Variants in TUT4 observed in about 807,000 individuals in gnomAD.
The protein encoded by TUT4 is terminal uridylyl transferase 4, also known as terminal uridylyltransferase 4.
A neutral mutation model predicts 192.2 loss-of-function variants in TUT4; 36 were observed. That is an observed-to-expected ratio of 0.19 (90% CI 0.14 to 0.25). The LOEUF (loss-of-function observed/expected upper bound fraction) is 0.25, where lower values mean the gene tolerates loss of function less well. Ranked by LOEUF, TUT4 falls within the 10% of genes least tolerant of loss-of-function variation. The pLI is 1.00. For synonymous variants in TUT4, 618 were observed against 666.0 expected, an observed-to-expected ratio of 0.93 and a Z score of 1.11; for missense variants, 1,493 against 1,957.2, an observed-to-expected ratio of 0.76 and a Z score of 4.47.
At chr1:52,550,726 C>A (rs192035089) in intron 1 of TUT4, among the ~76,000 whole-genome samples, 1 of 152,218 alleles carries the variant, frequency 6.6e-6, no homozygotes, top group Non-Finnish European at 1.5e-5. Context: ...AACTCCTACG[C>A]TCAAGCAATC....
chr1:52,548,558 T>A (rs1472424322), intron 1 of TUT4, among the ~76,000 whole-genome samples: 1 of 152,172 alleles, frequency 6.6e-6, no homozygotes, highest in East Asian at 1.9e-4. Flanking sequence ...TTGTCCAAGG[T>A]ACTCAATCCT....
At chr1:52,450,111 G>T (rs1658916448) in intron 20 of TUT4, among the ~76,000 whole-genome samples, 1 of 152,170 alleles carries the variant, frequency 6.6e-6, no homozygotes, top group Admixed American at 6.5e-5. Flanking sequence ...TTGACGTAAA[G>T]AACTTAGTAC....
At chr1:52,510,890 C>T (rs375724362) in intron 3 of TUT4, among the ~76,000 whole-genome samples, 1 of 152,148 alleles carries the variant, frequency 6.6e-6, no homozygotes, top group African/African-American at 2.4e-5. Flanking sequence ...ACATTCTACG[C>T]AGATTACACA....
intron 4 of TUT4, among the ~76,000 whole-genome samples, chr1:52,502,726 C>T (rs1370946362): frequency 6.8e-6 from 1 of 147,778 alleles, no homozygotes; most frequent in Non-Finnish European, 1.5e-5. Flanking sequence ...CAGATACAAG[C>T]GCTCCTCCAC....
chr1:52,440,350 T>C (rs1390859740), intron 24 of TUT4, among the ~76,000 whole-genome samples: 1 of 151,968 alleles, frequency 6.6e-6, no homozygotes, highest in African/African-American at 2.4e-5. Flanking sequence ...AGGCTGGTCT[T>C]GAACTCCTGG....
At chr1:52,445,708 A>G in intron 24 of TUT4, 79 bp downstream of exon 24, 3 of 1,073,614 alleles carry the variant, frequency 2.8e-6, no homozygotes, top group East Asian at 2.4e-5. Context: ...TATATCTAAC[A>G]TCAGTTTGGA....
At chr1:52,541,907 A>C (rs1686799268) in intron 1 of TUT4, among the ~76,000 whole-genome samples, 2 of 152,228 alleles carry the variant, frequency 1.3e-5, no homozygotes, top group Non-Finnish European at 2.9e-5. Context: ...ACGTTCAAAG[A>C]AGCATTATTC....
chr1:52,526,068 T>C lies in TUT4; in HGVS notation c.213A>G (p.Lys71=). Residue 71 remains lysine, a synonymous_variant, in exon 2 of 30, where the codon AAA becomes AAG. Coordinates refer to ENST00000257177, the MANE Select transcript of TUT4 (RefSeq NM_001009881.3). The stretch of plus-strand genomic sequence containing the variant: ...GGTTGGCAGCATTTACTTTACATGA[T>C]TTAACTTCTGTTTTTTCTATACAAA... ...NDICIEKTEV[K]SCKVNAANLP... The C allele has an allele frequency of 6.2e-7, 1 of 1,611,042 alleles. No homozygotes were observed. Among genetic ancestry groups the C allele is most frequent in the South Asian group, 1.1e-5 (1 of 89,850 alleles).
At chr1:52,477,651 G>A in intron 12 of TUT4, 57 bp downstream of exon 12, 1 of 1,479,342 alleles carries the variant, frequency 6.8e-7, no homozygotes, top group South Asian at 1.3e-5. Context: ...CACTGAATTA[G>A]ATAATGAGTA....
chr1:52,484,260 T>G (rs970020024), intron 9 of TUT4, among the ~76,000 whole-genome samples: 1 of 152,110 alleles, frequency 6.6e-6, no homozygotes, highest in East Asian at 1.9e-4. Context: ...AATAGCAATA[T>G]AATAAAAAAT....
At chr1:52,428,392 C>T (rs936436788) in intron 28 of TUT4, among the ~76,000 whole-genome samples, 6 of 151,858 alleles carry the variant, frequency 4.0e-5, no homozygotes, top group Admixed American at 3.9e-4. Context: ...TTTGGGAGGC[C>T]GAGGCAGGCG....
At chr1:52,451,277 A>G (rs1468628197) in intron 20 of TUT4, among the ~76,000 whole-genome samples, 2 of 151,964 alleles carry the variant, frequency 1.3e-5, no homozygotes, top group Non-Finnish European at 2.9e-5. Flanking sequence ...AAAAAAAAAA[A>G]AATAAGAATA....
intron 1 of TUT4, among the ~76,000 whole-genome samples, chr1:52,549,796 T>C (rs1350327604): frequency 3.3e-5 from 5 of 150,912 alleles, no homozygotes; most frequent in South Asian, 2.1e-4. Flanking sequence ...ACTGAACGAG[T>C]GAAAAAAAAA....
chr1:52,457,482 C>T (rs1661316899), intron 20 of TUT4, among the ~76,000 whole-genome samples: 1 of 152,200 alleles, frequency 6.6e-6, no homozygotes, highest in Non-Finnish European at 1.5e-5. Flanking sequence ...GATCTGCCCG[C>T]CTCGGCCTCC....
chr1:52,444,951 G>C (rs1160202667), intron 24 of TUT4, among the ~76,000 whole-genome samples: 1 of 148,764 alleles, frequency 6.7e-6, no homozygotes, highest in Non-Finnish European at 1.5e-5. Flanking sequence ...ACATGTATGT[G>C]TATATACATG....
At chr1:52,492,663 G>C (rs1671467513) in intron 7 of TUT4, among the ~76,000 whole-genome samples, 1 of 152,226 alleles carries the variant, frequency 6.6e-6, no homozygotes, top group Non-Finnish European at 1.5e-5. Flanking sequence ...TTAATCTTAA[G>C]CATTCACTTT....
intron 20 of TUT4, among the ~76,000 whole-genome samples, chr1:52,457,732 T>C (rs1292014134): frequency 6.6e-6 from 1 of 152,212 alleles, no homozygotes; most frequent in Non-Finnish European, 1.5e-5. Flanking sequence ...GATTAATATC[T>C]CCTTTGTACC....
At chr1:52,453,932 T>C (rs955913332) in intron 20 of TUT4, among the ~76,000 whole-genome samples, 4 of 152,170 alleles carry the variant, frequency 2.6e-5, no homozygotes, top group Admixed American at 2.6e-4. Context: ...CCCAGATACA[T>C]GCAATGAACA....
At chr1:52,469,425 G>A (rs993201338) in intron 14 of TUT4, among the ~76,000 whole-genome samples, 6 of 152,136 alleles carry the variant, frequency 3.9e-5, no homozygotes, top group Non-Finnish European at 5.9e-5. Context: ...TTGGTTAACA[G>A]TTCTGATACT....
Sources: allele counts gnomAD v4.1 joint callset (sites outside exome capture counted in the v4.1 genomes callset), GRCh38; gene constraint gnomAD v4.1.1; transcripts MANE v1.5; gene names NCBI Gene and HGNC (gene_info 2026-07-23, HGNC 2026-07-21).